The following RBFOX1 variants were observed in gnomAD, a reference collection of about 807,000 sequenced individuals.
RBFOX1 encodes the protein RNA binding fox-1 homolog 1, also known as RNA binding protein fox-1 homolog 1.
RBFOX1 carries 8 observed loss-of-function variants against 57.7 expected under a neutral mutation model. The ratio of observed to expected loss-of-function variants is 0.14; its 90% CI spans 0.08 to 0.25. The LOEUF (loss-of-function observed/expected upper bound fraction) is 0.25, where lower values mean the gene tolerates loss of function less well. Ranked by LOEUF, RBFOX1 falls within the 10% of genes least tolerant of loss-of-function variation. The probability of loss-of-function intolerance (pLI) is 1.00; values close to 1 mark genes in which losing one functional copy is unlikely to be tolerated. For synonymous variants in RBFOX1, 326 were observed against 222.4 expected (o/e 1.47, Z -4.15); for missense variants, 611 against 548.5 (o/e 1.11, Z -1.14).
intron 3 of RBFOX1, among the ~76,000 whole-genome samples, chr16:6,724,725 T>G (rs1409666494): frequency 2.6e-5 from 4 of 152,218 alleles, no homozygotes; most frequent in Non-Finnish European, 4.4e-5. Context: ...GGGTAACTTT[T>G]TTTTTTAATT....
Position 6,097,435 on chromosome 16 carries a change from G to A in RBFOX1, c.-127+77443G>A, listed in dbSNP as rs1337146383. On this transcript the variant is annotated intron_variant, in intron 1 of 15. Coordinates refer to ENST00000550418, the MANE Select transcript of RBFOX1 (RefSeq NM_018723.4). This position sits in a 1 kb window ranked among gnomAD's most constrained non-coding sequence, Gnocchi z 5.0. ...CAGCATTAGCAAGGCCTGGGAGTTT[G>A]TGAGAGATGCAGATTCTTGGTGCCC... is the stretch of plus-strand genomic sequence containing the variant. 6.6e-6 allele frequency among the ~76,000 whole-genome samples: 1 copy of A among 152,136 alleles called. No individual in the cohort carries two copies. Among genetic ancestry groups the A allele is most frequent in the Non-Finnish European group, 1.5e-5 (1 of 68,030 alleles).
At chr16:6,607,186 C>A (rs1188601085) in intron 2 of RBFOX1, among the ~76,000 whole-genome samples, 1 of 152,132 alleles carries the variant, frequency 6.6e-6, no homozygotes, top group African/African-American at 2.4e-5. Context: ...GATGAGTGTT[C>A]ATCTGACTAC....
At chr16:5,761,811 A>C (rs1191476751) in intron 3 of RBFOX1, among the ~76,000 whole-genome samples, 1 of 152,206 alleles carries the variant, frequency 6.6e-6, no homozygotes, top group African/African-American at 2.4e-5. Context: ...CTGGGAAGAC[A>C]TTCAGTGTCA....
intron 1 of RBFOX1, among the ~76,000 whole-genome samples, chr16:5,431,308 C>T (rs963280585): frequency 6.6e-6 from 1 of 152,200 alleles, no homozygotes; most frequent in African/African-American, 2.4e-5. Flanking sequence ...TTCAACCGTG[C>T]AGAAATACTT....
chr16:7,089,008 T>C (rs569820009), intron 4 of RBFOX1, among the ~76,000 whole-genome samples: 1 of 152,230 alleles, frequency 6.6e-6, no homozygotes, highest in Non-Finnish European at 1.5e-5. Flanking sequence ...TCTTTGTTAA[T>C]CACATTGGTT....
chr16:5,349,494 C>T (rs1405270820), intron 1 of RBFOX1, among the ~76,000 whole-genome samples: 2 of 151,948 alleles, frequency 1.3e-5, no homozygotes, highest in Non-Finnish European at 2.9e-5. Context: ...GCCAACATGG[C>T]GATCCTATCT....
chr16:7,031,648 G>A (rs2042826392), intron 3 of RBFOX1, among the ~76,000 whole-genome samples: 1 of 152,034 alleles, frequency 6.6e-6, no homozygotes, highest in African/African-American at 2.4e-5. Flanking sequence ...ACGACATCGG[G>A]CAGATGTGAT....
At chr16:5,600,322 A>T (rs907164023), downstream of RBFOX1, among the ~76,000 whole-genome samples, 8 of 151,338 alleles carry the variant, frequency 5.3e-5, no homozygotes, top group Non-Finnish European at 1.0e-4. Flanking sequence ...AAAATAAAAA[A>T]AAAACAAAAC....
At chr16:7,597,006 C>T (rs2094736502) in intron 8 of RBFOX1, among the ~76,000 whole-genome samples, 1 of 152,130 alleles carries the variant, frequency 6.6e-6, no homozygotes. Context: ...CATGCTCCTT[C>T]ATATGAATTT....
chr16:7,215,420 A>G (rs2091874517), intron 4 of RBFOX1, among the ~76,000 whole-genome samples: 1 of 152,300 alleles, frequency 6.6e-6, no homozygotes, highest in Non-Finnish European at 1.5e-5. Flanking sequence ...AACCAACCCA[A>G]ATGTCCATCA....
chr16:5,425,068 T>TTTATTTATCTATCTAC (rs61584820), intron 1 of RBFOX1, among the ~76,000 whole-genome samples: 2 of 60,596 alleles, frequency 3.3e-5, no homozygotes, highest in Non-Finnish European at 6.6e-5. Flanking sequence ...TCCTTTCTTA[T>TTTATTTATCTATCTAC]CTATCTATCT....
At chr16:6,316,628 A>C (rs1251973676) in intron 1 of RBFOX1, among the ~76,000 whole-genome samples, 2 of 152,164 alleles carry the variant, frequency 1.3e-5, no homozygotes, top group African/African-American at 2.4e-5. Context: ...ACAAGAACTC[A>C]TGGTGTAAGA....
chr16:5,554,096 G>T (rs1406599355), intron 2 of RBFOX1, among the ~76,000 whole-genome samples: 1 of 151,368 alleles, frequency 6.6e-6, no homozygotes, highest in Non-Finnish European at 1.5e-5. Context: ...TAATCCTCCC[G>T]AGTAGCTGGG....
intron 2 of RBFOX1, among the ~76,000 whole-genome samples, chr16:6,518,082 C>T (rs954665525): frequency 6.6e-6 from 1 of 152,094 alleles, no homozygotes; most frequent in African/African-American, 2.4e-5. Context: ...CCTTTTGTTT[C>T]TTTTCACCCC....
At chr16:5,417,834 A>C (rs2067200829) in intron 1 of RBFOX1, among the ~76,000 whole-genome samples, 1 of 152,204 alleles carries the variant, frequency 6.6e-6, no homozygotes, top group African/African-American at 2.4e-5. Flanking sequence ...TAATCCCAGC[A>C]CTTTGAGAGG....
At position 7,621,137 on chromosome 16, in the gene RBFOX1, A is replaced by C. The variant is rs145875616; in HGVS notation, c.677-9466A>C. Among the ~76,000 whole-genome samples the C allele has an allele frequency of 4.7e-3, 709 of 152,314 alleles. 7 individuals are homozygous for C. The highest frequency in any genetic ancestry group is 0.016 in the African/African-American group (670 of 41,566). Reference sequence around the variant, plus strand: ...TGAGAAGCAAGGCCCTAGTAGTCTTATCATCTATATATTGACACCTATAAC... The same window carrying C: ...TGAGAAGCAAGGCCCTAGTAGTCTTCTCATCTATATATTGACACCTATAAC... On this transcript the variant is annotated intron_variant, in intron 10 of 15. Transcript: ENST00000550418.
intron 1 of RBFOX1, among the ~76,000 whole-genome samples, chr16:5,299,764 G>A (rs1482661304): frequency 6.6e-6 from 1 of 151,978 alleles, no homozygotes; most frequent in Non-Finnish European, 1.5e-5. Context: ...TCTTTTCCTT[G>A]TAATTTTTAT....
chr16:6,545,313 A>G (rs2096879824), intron 2 of RBFOX1, among the ~76,000 whole-genome samples: 1 of 152,162 alleles, frequency 6.6e-6, no homozygotes, highest in African/African-American at 2.4e-5. Context: ...CCTTCAATAA[A>G]AACCCAAACG....
chr16:6,058,610 C>A (rs1388975198), intron 1 of RBFOX1, among the ~76,000 whole-genome samples: 1 of 151,594 alleles, frequency 6.6e-6, no homozygotes, highest in Non-Finnish European at 1.5e-5. Flanking sequence ...ATCCACCCAT[C>A]CATCCACCCA....
Sources: gnomAD v4.1 joint callset for allele counts (sites outside exome capture counted in the v4.1 genomes callset) on GRCh38, gnomAD v4.1.1 for gene constraint, Gnocchi (gnomAD v3.1) non-coding constraint, MANE v1.5 for transcripts, NCBI Gene and HGNC (gene_info 2026-07-23, HGNC 2026-07-21) for gene names.